The following CSMD1 variants were observed in gnomAD, a reference collection of about 807,000 sequenced individuals.
CSMD1 encodes the protein CUB and Sushi multiple domains 1, also known as CUB and sushi domain-containing protein 1.
A neutral mutation model predicts 417.5 loss-of-function variants in CSMD1; 213 were observed. The observed-to-expected ratio is 0.51, with a 90% CI of 0.46 to 0.57. The LOEUF is 0.57. Ranked by LOEUF, CSMD1 falls within the 20% of genes least tolerant of loss-of-function variation. The pLI is 0.00. For synonymous variants in CSMD1, 2,862 were observed against 1,736.8 expected (o/e 1.65, Z -16.11); for missense variants, 6,923 against 4,529.7 (o/e 1.53, Z -15.17).
rs539743286 is a variant in CSMD1, at chr8:3,013,624, T to G, written c.8029+4853A>C. Among the ~76,000 whole-genome samples, 6 of 151,832 alleles carry G rather than the reference T, an allele frequency of 4.0e-5. No individual in the cohort carries two copies. In the South Asian group the frequency reaches 1.3e-3, roughly 32 times the overall value. On this transcript the variant is annotated intron_variant, in intron 52 of 69. Transcript: ENST00000635120. The stretch of plus-strand genomic sequence containing the variant: ...AAAATTAGCCAGGTGTGGTGGTGGG[T>G]GCCTGTAATCCCAGCTACTCAGGAG...
chr8:4,545,215 C>T (rs1797577052), intron 2 of CSMD1, among the ~76,000 whole-genome samples: 1 of 152,162 alleles, frequency 6.6e-6, no homozygotes, highest in African/African-American at 2.4e-5. Flanking sequence ...TTTGCATTTT[C>T]TTAGTCATAA....
intron 5 of CSMD1, among the ~76,000 whole-genome samples, chr8:3,966,396 G>A (rs1312874851): frequency 6.6e-6 from 1 of 151,928 alleles, no homozygotes; most frequent in East Asian, 1.9e-4. Context: ...AAACAATTCT[G>A]ATAAATATAT....
chr8:3,677,656 G>A (rs564590785), intron 7 of CSMD1, among the ~76,000 whole-genome samples: 1 of 152,150 alleles, frequency 6.6e-6, no homozygotes, highest in Non-Finnish European at 1.5e-5. Flanking sequence ...GACATGAAAA[G>A]ATATCTATCC....
rs140322383 is a variant in CSMD1 at position 3,855,765 on chromosome 8, G to T, written c.819-101723C>A. Among the ~76,000 whole-genome samples the T allele has an allele frequency of 4.0e-3, 604 of 152,288 alleles. 3 individuals are homozygous for T. The highest frequency in any genetic ancestry group is 0.014 in the African/African-American group (583 of 41,556). ...CATGCGATGTGAAATCCTAGAGTCT[G>T]CTGACTTTCTGAGTAAAGACAAGCT... On this transcript the variant is annotated intron_variant, in intron 5 of 69. Transcript: ENST00000635120.
intron 3 of CSMD1, among the ~76,000 whole-genome samples, chr8:4,404,818 T>C (rs1469807458): frequency 1.3e-5 from 2 of 152,182 alleles, no homozygotes; most frequent in Non-Finnish European, 2.9e-5. Flanking sequence ...GGGTACACAG[T>C]AAGTGAGGCA....
intron 2 of CSMD1, among the ~76,000 whole-genome samples, chr8:4,567,030 G>T (rs375332021): frequency 6.6e-6 from 1 of 152,112 alleles, no homozygotes; most frequent in African/African-American, 2.4e-5. Flanking sequence ...ATTAACTGGC[G>T]TCCTACGGAG....
At chr8:3,853,139 G>C (rs951579614) in intron 5 of CSMD1, among the ~76,000 whole-genome samples, 10 of 152,108 alleles carry the variant, frequency 6.6e-5, no homozygotes, top group Non-Finnish European at 1.5e-4. Flanking sequence ...AGGTGGCTGA[G>C]CCCGCGTCCC....
intron 5 of CSMD1, among the ~76,000 whole-genome samples, chr8:3,770,357 C>A (rs752067248): frequency 2.6e-5 from 4 of 152,034 alleles, no homozygotes; most frequent in African/African-American, 4.8e-5. Flanking sequence ...GGTGAAACCC[C>A]GTCTCTACTA....
At chr8:4,022,749 G>C (rs1273447983) in intron 4 of CSMD1, among the ~76,000 whole-genome samples, 2 of 152,136 alleles carry the variant, frequency 1.3e-5, no homozygotes, top group Non-Finnish European at 2.9e-5. Context: ...CAGACAACTA[G>C]AAACTTTGGG....
chr8:4,489,643 G>A (rs568594575), intron 2 of CSMD1, among the ~76,000 whole-genome samples: 2 of 152,300 alleles, frequency 1.3e-5, no homozygotes, highest in African/African-American at 4.8e-5. Flanking sequence ...GGTCAACAAG[G>A]AGCTAAGGTG....
At chr8:3,042,573 A>G (rs1285504718) in intron 50 of CSMD1, among the ~76,000 whole-genome samples, 2 of 152,152 alleles carry the variant, frequency 1.3e-5, no homozygotes, top group Non-Finnish European at 2.9e-5. Flanking sequence ...CTAGTTCCAC[A>G]TGGGTAACCC....
intron 1 of CSMD1, among the ~76,000 whole-genome samples, chr8:4,846,187 C>A (rs1185554192): frequency 6.6e-6 from 1 of 152,164 alleles, no homozygotes; most frequent in Non-Finnish European, 1.5e-5. Flanking sequence ...CACCAAAGTA[C>A]CAACACATGT....
intron 3 of CSMD1, among the ~76,000 whole-genome samples, chr8:4,215,098 G>A (rs541396698): frequency 4.3e-4 from 65 of 152,166 alleles, no homozygotes; most frequent in African/African-American, 1.4e-3. Context: ...CTTCTATTCC[G>A]GACAAGTGAA....
chr8:4,425,775 T>G (rs1405116564), intron 2 of CSMD1, among the ~76,000 whole-genome samples: 1 of 152,176 alleles, frequency 6.6e-6, no homozygotes, highest in Non-Finnish European at 1.5e-5. Context: ...CACAGGTGTC[T>G]TGCAGTAGCA....
At chr8:3,808,394 G>T (rs1277813937) in intron 5 of CSMD1, among the ~76,000 whole-genome samples, 2 of 151,918 alleles carry the variant, frequency 1.3e-5, no homozygotes, top group South Asian at 4.2e-4. Context: ...TGACAACCGT[G>T]GTAAAAAGTA....
At chr8:4,605,730 G>T (rs971894432) in intron 2 of CSMD1, among the ~76,000 whole-genome samples, 1 of 152,034 alleles carries the variant, frequency 6.6e-6, no homozygotes, top group Non-Finnish European at 1.5e-5. Context: ...TCATATCCAC[G>T]ATCTGTGACT....
At chr8:4,656,798 G>T (rs1469601921) in intron 1 of CSMD1, among the ~76,000 whole-genome samples, 3 of 152,070 alleles carry the variant, frequency 2.0e-5, no homozygotes, top group Non-Finnish European at 4.4e-5. Context: ...GTCCTGCGGG[G>T]ATTCTCGGTG....
chr8:4,021,987 G>C (rs186302224), intron 4 of CSMD1, among the ~76,000 whole-genome samples: 6 of 151,762 alleles, frequency 4.0e-5, no homozygotes, highest in Admixed American at 6.6e-5. Flanking sequence ...GGAAAGGATA[G>C]TTAGGTCTGT....
At chr8:4,176,773 T>A (rs1233248354) in intron 3 of CSMD1, among the ~76,000 whole-genome samples, 3 of 149,606 alleles carry the variant, frequency 2.0e-5, no homozygotes, top group Non-Finnish European at 4.4e-5. Flanking sequence ...AGGCAGGGGT[T>A]GCAATCCTAG....
Sources: gnomAD v4.1 joint callset for allele counts (sites outside exome capture counted in the v4.1 genomes callset) on GRCh38, gnomAD v4.1.1 for gene constraint, MANE v1.5 for transcripts, NCBI Gene and HGNC (gene_info 2026-07-23, HGNC 2026-07-21) for gene names.